PRPF4: variants seen among roughly 807,000 people sequenced by gnomAD.
PRPF4 encodes the protein pre-mRNA splicing tri-snRNP complex factor PRPF4.
PRPF4 carries 14 observed loss-of-function variants against 72.2 expected under a neutral mutation model. That is an observed-to-expected ratio of 0.19 (90% CI 0.13 to 0.30). The LOEUF (loss-of-function observed/expected upper bound fraction) is 0.30, where lower values mean the gene tolerates loss of function less well. Among genes scored for constraint, PRPF4 ranks in the 10% least tolerant of loss-of-function variants. PRPF4 has a pLI of 1.00. For missense variants in PRPF4, 478 were observed against 653.9 expected, an observed-to-expected ratio of 0.73 and a Z score of 2.93; for synonymous variants, 225 against 232.2, an observed-to-expected ratio of 0.97 and a Z score of 0.28.
intron 7 of PRPF4, among the ~76,000 whole-genome samples, chr9:113,285,512 G>C (rs1007124948): frequency 2.0e-5 from 3 of 150,230 alleles, no homozygotes; most frequent in Non-Finnish European, 4.4e-5. Flanking sequence ...CCAAGTAGCT[G>C]GGACTACAGG....
chr9:113,281,916 C>T (rs780360358), intron 3 of PRPF4, among the ~76,000 whole-genome samples: 3 of 152,208 alleles, frequency 2.0e-5, no homozygotes, highest in Admixed American at 6.5e-5. Flanking sequence ...CTGTTGTTTC[C>T]CCAGGACTAA....
chr9:113,275,766 C>T lies in PRPF4; in HGVS notation c.23C>T (p.Ser8Phe). MASSRASSTATKTKAPDD... is the reference protein window; with the variant it reads MASSRASFTATKTKAPDD... ...AGCATGGCTTCCTCGCGAGCCTCTT[C>T]CACGGTACAGAGCCCGGGATCCCAG... Residue 8 changes from serine to phenylalanine, a missense_variant, in exon 1 of 14, where the codon TCC becomes TTC. By Grantham distance (155) the Ser-to-Phe change is radical (BLOSUM62 -2). Coordinates refer to ENST00000374198, the MANE Select transcript of PRPF4 (RefSeq NM_001244926.2). 1 of 1,613,094 alleles carries T rather than the reference C, an allele frequency of 6.2e-7. No homozygotes were observed. Among genetic ancestry groups the T allele is most frequent in the African/African-American group, 1.3e-5 (1 of 74,974 alleles).
rs1222286034 is a variant in PRPF4 at position 113,291,741 on chromosome 9, G to A, written c.*81G>A. ...CAAACGAGAAGAATTGAAGTGTTTAGTTCTATCATGTTTTCTGCCAATTAC... is the reference window on the plus strand; with the variant it reads ...CAAACGAGAAGAATTGAAGTGTTTAATTCTATCATGTTTTCTGCCAATTAC... On this transcript the variant is annotated 3_prime_UTR_variant, in exon 14 of 14. Transcript: ENST00000374198. 17 of 1,360,316 alleles carry A rather than the reference G, an allele frequency of 1.2e-5. No homozygotes were observed. The Admixed American group carries it at 3.5e-4, about 28-fold the overall frequency. The allele number at this position is 1,360,316 out of a possible 1,614,324, so 84.3% of individuals were successfully genotyped here.
intron 13 of PRPF4, among the ~76,000 whole-genome samples, 160 bp from the exon 14 acceptor site, chr9:113,291,307 G>A (rs549467416): frequency 8.1e-4 from 123 of 152,198 alleles, no homozygotes; most frequent in African/African-American, 2.8e-3. Flanking sequence ...ATAGATTCTC[G>A]GTCAGGGAAT....
Position 113,279,102 on chromosome 9 carries a change from T to C in PRPF4, c.363T>C (p.Phe121=), listed in dbSNP as rs1588009545. The change falls in exon 3 of 14, where the codon TTT becomes TTC. Residue 121 remains phenylalanine, a synonymous_variant. Coordinates refer to ENST00000374198, the MANE Select transcript of PRPF4 (RefSeq NM_001244926.2). ...LRALGEPITL[F]GEGPAERRER... ...CCTTGGGGGAACCCATCACACTTTTTGGAGAGGGTCCTGCTGAAAGAAGAG... is the reference window on the plus strand; with the variant it reads ...CCTTGGGGGAACCCATCACACTTTTCGGAGAGGGTCCTGCTGAAAGAAGAG... 1 of 1,613,838 alleles carries C rather than the reference T, an allele frequency of 6.2e-7. No homozygotes were observed. The highest frequency in any genetic ancestry group is 8.5e-7 in the Non-Finnish European group (1 of 1,179,884).
chr9:113,282,607 C>T (rs747920874), intron 3 of PRPF4, 39 bp from the exon 4 acceptor site: 3 of 1,447,876 alleles, frequency 2.1e-6, no homozygotes, highest in Middle Eastern at 2.2e-4. Flanking sequence ...ATTATCTCAA[C>T]CATGTTTAAA....
chr9:113,288,517 A>C (rs1588018295), intron 10 of PRPF4, among the ~76,000 whole-genome samples: 1 of 151,778 alleles, frequency 6.6e-6, no homozygotes, highest in African/African-American at 2.4e-5. Flanking sequence ...GCTCACTGCA[A>C]CCGCCGTCTC....
chr9:113,292,292 A>C lies in PRPF4; in HGVS notation c.*632A>C, dbSNP rs138083977. 1 of 152,326 alleles carries C rather than the reference A, an allele frequency of 6.6e-6. No individual in the cohort carries two copies. Among genetic ancestry groups the C allele is most frequent in the African/African-American group, 2.4e-5 (1 of 41,430 alleles). 9.4% of individuals were successfully genotyped at this position (152,326 alleles called of 1,614,324 possible). A position where few individuals can be genotyped will look rare whatever the true frequency, so the allele number is the denominator to read the frequency against. On this transcript the variant is annotated 3_prime_UTR_variant, in exon 14 of 14. Transcript: ENST00000374198. ...GATTGTGACTGACTCTGCATTTTTA[A>C]TTCTTGAAACTTGGCTTTCCATAAC...
At chr9:113,286,867 A>G (rs1832464498) in intron 9 of PRPF4, 39 bp downstream of exon 9, 5 of 1,604,022 alleles carry the variant, frequency 3.1e-6, no homozygotes, top group Middle Eastern at 1.7e-4. Flanking sequence ...TGCCATCACT[A>G]AAGTAGATGT....
At chr9:113,277,236 C>A (rs1396158974) in intron 2 of PRPF4, among the ~76,000 whole-genome samples, 1 of 152,148 alleles carries the variant, frequency 6.6e-6, no homozygotes, top group Non-Finnish European at 1.5e-5. Context: ...GCAGTCTTAT[C>A]AAAAATTCAG....
In PRPF4 at chr9:113,291,172, A is replaced by G. The variant is rs143395458; in HGVS notation, c.1372+156A>G. Among the ~76,000 whole-genome samples, 239 of 152,352 alleles carry G rather than the reference A, an allele frequency of 1.6e-3. 2 individuals are homozygous for G. Among genetic ancestry groups the G allele is most frequent in the African/African-American group, 5.2e-3 (216 of 41,586 alleles). ...AAATTATAATTTCCTTCCCTCTGCC[A>G]TACCCTTAGATCTGTGGGAAAGCAC... is the stretch of plus-strand genomic sequence containing the variant. On this transcript the variant is annotated intron_variant, in intron 13 of 13. Transcript: ENST00000374198.
intron 6 of PRPF4, among the ~76,000 whole-genome samples, chr9:113,284,067 C>CAAA (rs538497931): frequency 1.2e-3 from 98 of 80,174 alleles, no homozygotes; most frequent in African/African-American, 3.9e-3. Context: ...GACTCTGTCT[C>CAAA]AAAAAAAAAA....
chr9:113,288,117 C>A, intron 9 of PRPF4, 58 bp from the exon 10 acceptor site: 1 of 1,506,194 alleles, frequency 6.6e-7, no homozygotes, highest in Non-Finnish European at 9.2e-7. Context: ...AGAAGGTAAG[C>A]AGTTTTGTGA....
chr9:113,280,957 C>T (rs941159595), intron 3 of PRPF4, among the ~76,000 whole-genome samples: 3 of 152,290 alleles, frequency 2.0e-5, no homozygotes, highest in South Asian at 2.1e-4. Context: ...TCTCCTGCCT[C>T]AGCCTCCCAA....
intron 3 of PRPF4, among the ~76,000 whole-genome samples, chr9:113,281,034 T>C (rs1394668027): frequency 1.3e-5 from 2 of 151,868 alleles, no homozygotes; most frequent in Admixed American, 1.3e-4. Flanking sequence ...AGAGACGGGG[T>C]TTCAACACGT....
intron 2 of PRPF4, among the ~76,000 whole-genome samples, chr9:113,278,731 CAA>C (rs768272944): frequency 1.4e-4 from 22 of 152,274 alleles, no homozygotes; most frequent in Middle Eastern, 3.4e-3. Context: ...ATAAATGAAA[CAA>C]GAGGTGGCTT....
chr9:113,279,619 C>T (rs528158082), intron 3 of PRPF4, among the ~76,000 whole-genome samples: 11 of 152,210 alleles, frequency 7.2e-5, no homozygotes, highest in African/African-American at 2.4e-4. Context: ...GAACTCCTAA[C>T]CTCAAATGAT....
intron 9 of PRPF4, among the ~76,000 whole-genome samples, chr9:113,287,364 G>T (rs978305161): frequency 6.6e-6 from 1 of 152,190 alleles, no homozygotes; most frequent in Non-Finnish European, 1.5e-5. Context: ...GGAGAGGAAA[G>T]TGAGGTTCTG....
chr9:113,286,936 G>T, intron 9 of PRPF4, 108 bp downstream of exon 9: 1 of 1,500,322 alleles, frequency 6.7e-7, no homozygotes, highest in Non-Finnish European at 9.2e-7. Flanking sequence ...ATGCGCAGTG[G>T]CTCACACCTT....
Sources: allele counts gnomAD v4.1 joint callset (sites outside exome capture counted in the v4.1 genomes callset), GRCh38; gene constraint gnomAD v4.1.1; transcripts MANE v1.5; gene names NCBI Gene and HGNC (gene_info 2026-07-23, HGNC 2026-07-21).